Variants in LIME1 observed in about 807,000 individuals in gnomAD.
LIME1 encodes Lck interacting transmembrane adaptor 1.
In LIME1, 23 loss-of-function variants were observed where a neutral mutation model predicts 18.8. The ratio of observed to expected loss-of-function variants is 1.22; its 90% CI spans 0.88 to 1.73. The LOEUF (loss-of-function observed/expected upper bound fraction) is 1.73, where lower values mean the gene tolerates loss of function less well. Ranked by LOEUF, LIME1 falls within the 40% of genes most tolerant of loss-of-function variation. The pLI, the probability that LIME1 is intolerant of heterozygous loss-of-function variation, is 0.00. For synonymous variants in LIME1, 177 were observed against 182.3 expected (o/e 0.97, Z 0.23); for missense variants, 423 against 396.8 (o/e 1.07, Z -0.56).
rs768376020 is a variant in LIME1, at chr20:63,737,990, C to A, written c.198C>A (p.Thr66=). The change falls in exon 4 of 6, where the codon ACC becomes ACA. Residue 66 remains threonine (T), a synonymous_variant. Coordinates refer to ENST00000309546, the MANE Select transcript of LIME1 (RefSeq NM_017806.4). ...TAAEASLLRR[T]HLCSLSKSDT... is the part of the protein sequence containing the mutation. Reference sequence around the variant, plus strand: ...GCCCCCAGTCCCTACTGAGGCGGACCCACCTCTGCTCCCTCAGCAAGTCGG... The same window carrying A: ...GCCCCCAGTCCCTACTGAGGCGGACACACCTCTGCTCCCTCAGCAAGTCGG... The A allele has an allele frequency of 3.8e-6, 6 of 1,571,132 alleles. No homozygotes were observed. The Admixed American group carries it at 1.1e-4, about 28-fold the overall frequency.
upstream of LIME1, chr20:63,736,619 A>G (rs1007554039): frequency 6.5e-5 from 64 of 986,656 alleles, no homozygotes; most frequent in Non-Finnish European, 7.6e-5. Context: ...CGACAGGAGC[A>G]GGAAGTGATG....
rs2092015470 is a variant in LIME1, at chr20:63,738,051, A to G, written c.259A>G (p.Ser87Gly). 2 of 1,514,612 alleles carry G rather than the reference A, an allele frequency of 1.3e-6. No individual in the cohort carries two copies. The highest frequency in any genetic ancestry group is 1.8e-6 in the Non-Finnish European group (2 of 1,127,076). The allele number at this position is 1,514,612 out of a possible 1,614,324, so 93.8% of individuals were successfully genotyped here. Residue 87 changes from serine (S) to glycine (G), a missense_variant, in exon 4 of 6, where the codon AGC becomes GGC. Transcript: ENST00000309546. ...GCACGAGCTGCACCGGGGCCCGCGC[A>G]GCAGCAGGGGTGAGCAGAGGGCGGG... is the stretch of plus-strand genomic sequence containing the variant. ...RLHELHRGPR[S>G]SRALRPASMD...
chr20:63,739,081 A>C lies in LIME1; in HGVS notation c.*181A>C, dbSNP rs2092026326. The C allele has an allele frequency of 4.6e-5, 24 of 525,304 alleles. No homozygotes were observed. Among genetic ancestry groups the C allele is most frequent in the East Asian group, 2.0e-4 (6 of 29,498 alleles). 32.5% of individuals were successfully genotyped at this position (525,304 alleles called of 1,614,324 possible). ...CCAGAGAAGGCCCGCGTCTAAATAAAGCGCCAGCGCAGGATGAAAGCGGCC... is the reference window on the plus strand; with the variant it reads ...CCAGAGAAGGCCCGCGTCTAAATAACGCGCCAGCGCAGGATGAAAGCGGCC... On this transcript the variant is annotated 3_prime_UTR_variant, in exon 6 of 6. Transcript: ENST00000309546.
upstream of LIME1, chr20:63,736,248 TCCCTTCTTA>T: frequency 3.3e-6 from 1 of 307,594 alleles, no homozygotes; most frequent in Non-Finnish European, 6.1e-6. Flanking sequence ...GCCGGCATTC[TCCCTTCTTA>T]CCCTTCTCTG....
chr20:63,737,390 A>G (rs887997504), intron 1 of LIME1, 143 bp from the exon 2 acceptor site: 1 of 1,344,188 alleles, frequency 7.4e-7, no homozygotes, highest in Non-Finnish European at 9.5e-7. Flanking sequence ...AGGGACTGCC[A>G]GGCCTTGGGG....
chr20:63,735,772 C>T (rs1328166645), upstream of LIME1: 3 of 1,590,680 alleles, frequency 1.9e-6, no homozygotes, highest in Admixed American at 1.8e-5. Context: ...CTAGTGAGCC[C>T]CTCCGCAGGC....
At position 63,738,708 on chromosome 20, in the gene LIME1, C is replaced by A; in HGVS notation, c.696C>A (p.Asp232Glu). ...GAGCGATTCTGGCCCTGGCGGGTGA[C>A]CTGGCCTACCAGACCCTCCCGCTCA... Reference protein sequence around the residue: ...GQGAILALAGDLAYQTLPLRA... With the variant: ...GQGAILALAGELAYQTLPLRA... The change falls in exon 6 of 6, where the codon GAC becomes GAA. Residue 232 changes from aspartate (D) to glutamate (E), a missense_variant. Asp to Glu is a conservative substitution (Grantham distance 45, BLOSUM62 2). Transcript: ENST00000309546. 1 of 1,612,886 alleles carries A rather than the reference C, an allele frequency of 6.2e-7. No homozygotes were observed. The highest frequency in any genetic ancestry group is 8.5e-7 in the Non-Finnish European group (1 of 1,179,888).
upstream of LIME1, chr20:63,736,489 C>G: frequency 2.5e-6 from 1 of 392,750 alleles, no homozygotes; most frequent in Non-Finnish European, 3.5e-6. Flanking sequence ...GTTAGGCTGT[C>G]AGAACAGTGC....
chr20:63,739,006 T>C lies in LIME1; in HGVS notation c.*106T>C, dbSNP rs1198050132. The C allele has an allele frequency of 4.0e-6, 4 of 991,936 alleles. No individual in the cohort carries two copies. The highest frequency in any genetic ancestry group is 5.8e-6 in the Non-Finnish European group (4 of 692,516). The allele number at this position is 991,936 out of a possible 1,614,324, so 61.4% of individuals were successfully genotyped here. On this transcript the variant is annotated 3_prime_UTR_variant, in exon 6 of 6. Transcript: ENST00000309546. The stretch of plus-strand genomic sequence containing the variant: ...CCCAGGTCCCCGGGCTGCCAGCCCG[T>C]GAGGTCCGTGAGGTCCTGGCCGCTC...
intron 1 of LIME1, chr20:63,736,968 A>G (rs2145713507): frequency 1.0e-6 from 1 of 985,166 alleles, no homozygotes; most frequent in East Asian, 1.1e-4. Context: ...ACTGGCAGAC[A>G]AGAAGAGCCA....
chr20:63,738,471 G>T lies in LIME1; in HGVS notation c.557G>T (p.Gly186Val). ...THRSPQEPQQ[G>V]KTEVTPAAQV... The stretch of plus-strand genomic sequence containing the variant: ...CGCAGTCCCCAAGAGCCACAGCAGG[G>T]GAAGACTGAGGTGACCCCGGCCGCT... The change falls in exon 5 of 6, where the codon GGG becomes GTG. Residue 186 changes from glycine (G) to valine (V), a missense_variant. Gly to Val is a moderately radical substitution (Grantham distance 109). Coordinates refer to ENST00000309546, the MANE Select transcript of LIME1 (RefSeq NM_017806.4). 6.6e-7 allele frequency: 1 copy of T among 1,520,954 alleles called. No individual in the cohort carries two copies. The allele number at this position is 1,520,954 out of a possible 1,614,324, so 94.2% of individuals were successfully genotyped here.
chr20:63,736,066 G>A (rs1040812528), upstream of LIME1: 3 of 1,179,378 alleles, frequency 2.5e-6, no homozygotes, highest in African/African-American at 4.7e-5. Flanking sequence ...GTCCCATCTG[G>A]ACACTTACTT....
At position 63,738,718 on chromosome 20, in the gene LIME1, C is replaced by G. The variant is rs1303400743; in HGVS notation, c.706C>G (p.Gln236Glu). 6.2e-7 allele frequency: 1 copy of G among 1,612,980 alleles called. No individual in the cohort carries two copies. ...GGCCCTGGCGGGTGACCTGGCCTAC[C>G]AGACCCTCCCGCTCAGGGCCCTGGA... ...ILALAGDLAY[Q>E]TLPLRALDVD... The change falls in exon 6 of 6, where the codon CAG becomes GAG. Residue 236 changes from glutamine (Q) to glutamate (E), a missense_variant. Transcript: ENST00000309546.
chr20:63,735,992 G>A (rs952504165), upstream of LIME1: 49 of 1,554,048 alleles, frequency 3.2e-5, no homozygotes, highest in Middle Eastern at 3.5e-4. Flanking sequence ...AGTGTTGCCC[G>A]AGGAGGGGCC....
chr20:63,737,927 C>A (rs775118438), intron 3 of LIME1, 25 bp downstream of exon 3: 2 of 1,577,848 alleles, frequency 1.3e-6, no homozygotes. Flanking sequence ...GTCCCGGGGA[C>A]CAGGGTGGGG....
rs766999697 is a variant in LIME1 at position 63,738,532 on chromosome 20, G to A, written c.585+33G>A. 1.3e-5 allele frequency: 19 copies of A among 1,506,314 alleles called. No homozygotes were observed. In the African/African-American group the frequency reaches 2.1e-4, roughly 17 times the overall value. The allele number at this position is 1,506,314 out of a possible 1,614,324, so 93.3% of individuals were successfully genotyped here. On this transcript the variant is annotated intron_variant, in intron 5 of 5. Transcript: ENST00000309546. ...GGGCCAGGGTAGGGCGCTGTGGGTG[G>A]GGCCGGCAGATCCTCAGCAGGTTGG... is the stretch of plus-strand genomic sequence containing the variant.
chr20:63,738,819 G>C lies in LIME1; in HGVS notation c.807G>C (p.Thr269=). 6.2e-7 allele frequency: 1 copy of C among 1,612,210 alleles called. No individual in the cohort carries two copies. Among genetic ancestry groups the C allele is most frequent in the Non-Finnish European group, 8.5e-7 (1 of 1,179,688 alleles). Residue 269 remains threonine (T), a synonymous_variant, in exon 6 of 6, where the codon ACG becomes ACC. Transcript: ENST00000309546. ...GGGACCCTGCTGGCAGGAGCAGCAC[G>C]TGCGGGGCTGGGACGCCCCCTGCTT... ...ELGDPAGRSS[T]CGAGTPPASS... is the part of the protein sequence containing the mutation.
chr20:63,738,912 C>T lies in LIME1; in HGVS notation c.*12C>T, dbSNP rs1335178266. ...CCTCCCTGCCCTGAACACTCAAGGACCTGTGCTCCTTCCTCCAGAGTGAGG... is the reference window on the plus strand; with the variant it reads ...CCTCCCTGCCCTGAACACTCAAGGATCTGTGCTCCTTCCTCCAGAGTGAGG... On this transcript the variant is annotated 3_prime_UTR_variant, in exon 6 of 6. Coordinates refer to ENST00000309546, the MANE Select transcript of LIME1 (RefSeq NM_017806.4). 3.2e-6 allele frequency: 5 copies of T among 1,555,248 alleles called. No homozygotes were observed. The highest frequency in any genetic ancestry group is 1.7e-4 in the Middle Eastern group (1 of 5,814).
In LIME1 at chr20:63,737,805, C is replaced by T. The variant is rs370485996; in HGVS notation, c.99-16C>T. The stretch of plus-strand genomic sequence containing the variant: ...GCTGACGACCCCGCCCCCCGCCCCC[C>T]ACCTCTACCCCCAAGGCCCGAGGAC... On this transcript the variant is annotated splice_polypyrimidine_tract_variant and intron_variant, in intron 2 of 5. Coordinates refer to ENST00000309546, the MANE Select transcript of LIME1 (RefSeq NM_017806.4). 7.2e-7 allele frequency: 1 copy of T among 1,382,712 alleles called. No individual in the cohort carries two copies. The highest frequency in any genetic ancestry group is 2.6e-5 in the Admixed American group (1 of 37,974). 85.7% of individuals were successfully genotyped at this position (1,382,712 alleles called of 1,614,324 possible).
Sources: allele counts gnomAD v4.1 joint callset, GRCh38; gene constraint gnomAD v4.1.1; transcripts MANE v1.5; gene names NCBI Gene and HGNC (gene_info 2026-07-23, HGNC 2026-07-21).